GALNT13: variants seen among roughly 807,000 people sequenced by gnomAD.
GALNT13 encodes the protein UDP-GalNAc:polypeptide N-acetylgalactosaminyltransferase 13.
Under a neutral mutation model 64.2 loss-of-function variants are expected in GALNT13, and 28 were observed. The ratio of observed to expected loss-of-function variants is 0.44; its 90% CI spans 0.32 to 0.60. The LOEUF is 0.60. GALNT13 is among the 20% of genes least tolerant of loss of function. The pLI is 0.05. For synonymous variants in GALNT13, 214 were observed against 224.6 expected (o/e 0.95, Z 0.42); for missense variants, 577 against 669.8 (o/e 0.86, Z 1.53).
chr2:154,418,249 C>A (rs1199754684), intron 11 of GALNT13, among the ~76,000 whole-genome samples: 4 of 152,076 alleles, frequency 2.6e-5, no homozygotes, highest in African/African-American at 9.7e-5. Flanking sequence ...GAAATTGTTC[C>A]TCTAGAAATG....
chr2:153,506,717 C>T, the GALNT13 span, among the ~76,000 whole-genome samples: 1 of 152,324 alleles, frequency 6.6e-6, no homozygotes, highest in African/African-American at 2.4e-5. Context: ...TGCTGTTACT[C>T]TTATAGGTTT....
At chr2:153,674,080 T>A in the GALNT13 span, among the ~76,000 whole-genome samples, 1 of 152,214 alleles carries the variant, frequency 6.6e-6, no homozygotes, top group Non-Finnish European at 1.5e-5. Context: ...GAACATTCTA[T>A]GCTCATGGAT....
At chr2:153,755,411 A>G in the GALNT13 span, among the ~76,000 whole-genome samples, 1 of 151,978 alleles carries the variant, frequency 6.6e-6, no homozygotes, top group Admixed American at 6.6e-5. Context: ...CCTGGCCAAC[A>G]CTGTTATCTT....
At chr2:153,523,043 ATTTT>A in the GALNT13 span, among the ~76,000 whole-genome samples, 17 of 83,378 alleles carry the variant, frequency 2.0e-4, no homozygotes, top group African/African-American at 2.5e-4. Flanking sequence ...TGTGTTTACT[ATTTT>A]TTTTTTTTTT....
chr2:153,837,176 C>T, the GALNT13 span, among the ~76,000 whole-genome samples: 2 of 151,936 alleles, frequency 1.3e-5, no homozygotes, highest in South Asian at 2.1e-4. Flanking sequence ...CCTGTTGTTT[C>T]CTGACTTTTT....
chr2:153,486,040 C>A, the GALNT13 span, among the ~76,000 whole-genome samples: 1 of 152,122 alleles, frequency 6.6e-6, no homozygotes, highest in East Asian at 1.9e-4. Context: ...CAGGTTCCAG[C>A]AATTCTCCTG....
chr2:154,017,850 C>T (rs773964680), intron 3 of GALNT13, among the ~76,000 whole-genome samples: 6 of 152,110 alleles, frequency 3.9e-5, no homozygotes, highest in African/African-American at 1.4e-4. Context: ...ATTGTAGCCA[C>T]CTTCTAAAGA....
At chr2:153,336,181 G>A in the GALNT13 span, among the ~76,000 whole-genome samples, 1 of 152,188 alleles carries the variant, frequency 6.6e-6, no homozygotes, top group Admixed American at 6.5e-5. Context: ...AGTGCAGAAG[G>A]GAAATGTGGG....
intron 3 of GALNT13, among the ~76,000 whole-genome samples, chr2:154,110,073 G>A (rs571928964): frequency 5.7e-4 from 87 of 151,548 alleles, no homozygotes; most frequent in African/African-American, 1.8e-3. Flanking sequence ...TAAATGTTTC[G>A]TAGAATTCAG....
chr2:154,038,369 G>A (rs912045889), intron 3 of GALNT13, among the ~76,000 whole-genome samples: 3 of 152,012 alleles, frequency 2.0e-5, no homozygotes, highest in Admixed American at 6.6e-5. Context: ...CAAAATATAT[G>A]ACAAAGGGAT....
chr2:153,778,316 C>A, the GALNT13 span, among the ~76,000 whole-genome samples: 4 of 152,320 alleles, frequency 2.6e-5, no homozygotes, highest in African/African-American at 7.2e-5. Flanking sequence ...CTGGGAAATG[C>A]AACATTTGGG....
intron 10 of GALNT13, among the ~76,000 whole-genome samples, chr2:154,403,457 A>T (rs919465018): frequency 1.3e-5 from 2 of 150,642 alleles, no homozygotes; most frequent in Admixed American, 1.3e-4. Flanking sequence ...CTCCGTCTCA[A>T]AAAAAAAAAC....
At chr2:153,732,231 A>G in the GALNT13 span, among the ~76,000 whole-genome samples, 1 of 151,964 alleles carries the variant, frequency 6.6e-6, no homozygotes, top group African/African-American at 2.4e-5. Flanking sequence ...TAACTTTTTG[A>G]GATGGGTCTC....
chr2:154,003,880 A>G (rs1696076262), intron 3 of GALNT13, among the ~76,000 whole-genome samples: 1 of 152,012 alleles, frequency 6.6e-6, no homozygotes, highest in Non-Finnish European at 1.5e-5. Flanking sequence ...TTCCACCATT[A>G]TTGTAAGTTT....
chr2:153,236,521 G>T, the GALNT13 span, among the ~76,000 whole-genome samples: 1 of 152,032 alleles, frequency 6.6e-6, no homozygotes, highest in Non-Finnish European at 1.5e-5. Context: ...CCCCAAATCC[G>T]AGGACCCTTA....
At chr2:153,469,317 A>G in the GALNT13 span, among the ~76,000 whole-genome samples, 1 of 152,054 alleles carries the variant, frequency 6.6e-6, no homozygotes, top group African/African-American at 2.4e-5. Flanking sequence ...TGCATGAGAA[A>G]CAAACTCCTA....
chr2:153,170,034 A>G, the GALNT13 span, among the ~76,000 whole-genome samples: 8 of 152,358 alleles, frequency 5.3e-5, no homozygotes, highest in East Asian at 1.4e-3. Flanking sequence ...AGTAAGTATG[A>G]GTAATTACAA....
chr2:153,151,488 C>G, the GALNT13 span, among the ~76,000 whole-genome samples: 1 of 151,960 alleles, frequency 6.6e-6, no homozygotes, highest in Non-Finnish European at 1.5e-5. Context: ...GGGTATATAC[C>G]CAAAGGATTA....
chr2:153,579,857 G>A, the GALNT13 span, among the ~76,000 whole-genome samples: 2 of 152,024 alleles, frequency 1.3e-5, no homozygotes, highest in Non-Finnish European at 2.9e-5. Context: ...GACCCGAGGT[G>A]GAATAGTTTC....
Sources: allele counts gnomAD v4.1 joint callset (sites outside exome capture counted in the v4.1 genomes callset), GRCh38; gene constraint gnomAD v4.1.1; transcripts MANE v1.5; gene names NCBI Gene and HGNC (gene_info 2026-07-23, HGNC 2026-07-21).